Variants in FAM135B observed in about 807,000 individuals in gnomAD.
FAM135B encodes the protein family with sequence similarity 135 member B, also known as protein FAM135B.
A neutral mutation model predicts 127.7 loss-of-function variants in FAM135B; 43 were observed. That is an observed-to-expected ratio of 0.34 (90% CI 0.26 to 0.43). The LOEUF (loss-of-function observed/expected upper bound fraction) is 0.43, where lower values mean the gene tolerates loss of function less well. Ranked by LOEUF, FAM135B falls within the 20% of genes least tolerant of loss-of-function variation. The probability of loss-of-function intolerance (pLI) is 1.00; values close to 1 mark genes in which losing one functional copy is unlikely to be tolerated. For synonymous variants in FAM135B, 670 were observed against 665.1 expected, an observed-to-expected ratio of 1.01 and a Z score of -0.11; for missense variants, 1,558 against 1,725.6, an observed-to-expected ratio of 0.90 and a Z score of 1.72.
intron 2 of FAM135B, among the ~76,000 whole-genome samples, chr8:138,312,012 T>A (rs1033137814): frequency 1.3e-5 from 2 of 152,184 alleles, no homozygotes; most frequent in African/African-American, 4.8e-5. Context: ...AGTGGTATGA[T>A]CTCAGCTAAC....
chr8:138,415,885 T>C (rs1316390691), intron 1 of FAM135B, among the ~76,000 whole-genome samples: 3 of 152,202 alleles, frequency 2.0e-5, no homozygotes, highest in Non-Finnish European at 4.4e-5. Context: ...AATATCTCCA[T>C]TGGTTTCACG....
chr8:138,161,448 G>C (rs983244492), intron 12 of FAM135B, among the ~76,000 whole-genome samples: 1 of 152,070 alleles, frequency 6.6e-6, no homozygotes, highest in African/African-American at 2.4e-5. Flanking sequence ...TATCATGGCT[G>C]TCATGAAATA....
intron 1 of FAM135B, among the ~76,000 whole-genome samples, chr8:138,378,435 A>G (rs574171240): frequency 6.6e-6 from 1 of 152,244 alleles, no homozygotes; most frequent in Non-Finnish European, 1.5e-5. Context: ...GGAGTCTGGC[A>G]TATGATAAAT....
At chr8:138,476,792 G>A (rs73444340) in intron 1 of FAM135B, among the ~76,000 whole-genome samples, 17,420 of 152,156 alleles carry the variant, frequency 0.11, 2,670 homozygotes, top group African/African-American at 0.35. Context: ...AATTTTCTAA[G>A]CTGTTTTCCT....
chr8:138,328,829 G>C (rs77813008), intron 2 of FAM135B, among the ~76,000 whole-genome samples: 2 of 152,144 alleles, frequency 1.3e-5, no homozygotes, highest in Non-Finnish European at 2.9e-5. Flanking sequence ...ATAAGGTTGA[G>C]TGAGGGAGAC....
intron 1 of FAM135B, among the ~76,000 whole-genome samples, chr8:138,383,903 G>C (rs1832025768): frequency 6.6e-6 from 1 of 152,134 alleles, no homozygotes; most frequent in Non-Finnish European, 1.5e-5. Flanking sequence ...GGTGCCCATT[G>C]TCCTGGCACC....
chr8:138,384,665 T>G (rs890015065), intron 1 of FAM135B, among the ~76,000 whole-genome samples: 1 of 152,062 alleles, frequency 6.6e-6, no homozygotes, highest in Non-Finnish European at 1.5e-5. Flanking sequence ...CCTGTGTGTG[T>G]GTGTATGTGA....
At chr8:138,311,219 A>C (rs1826660203) in intron 2 of FAM135B, among the ~76,000 whole-genome samples, 1 of 152,222 alleles carries the variant, frequency 6.6e-6, no homozygotes, top group Non-Finnish European at 1.5e-5. Flanking sequence ...TTTCATTAAG[A>C]GGTGTGGGTT....
intron 9 of FAM135B, among the ~76,000 whole-genome samples, chr8:138,182,473 C>T (rs1028248991): frequency 6.6e-6 from 1 of 152,184 alleles, no homozygotes; most frequent in African/African-American, 2.4e-5. Flanking sequence ...GCTAACCAAG[C>T]ACCTTTGTTC....
chr8:138,373,541 A>C (rs958328932), intron 1 of FAM135B, among the ~76,000 whole-genome samples: 1 of 151,922 alleles, frequency 6.6e-6, no homozygotes, highest in African/African-American at 2.4e-5. Context: ...GGCTCCTTGA[A>C]AAAAGAACAG....
At chr8:138,387,719 C>T (rs1832303855) in intron 1 of FAM135B, among the ~76,000 whole-genome samples, 1 of 152,078 alleles carries the variant, frequency 6.6e-6, no homozygotes, top group Non-Finnish European at 1.5e-5. Flanking sequence ...TACTAAGGTT[C>T]ATGGGTGGCA....
chr8:138,304,479 T>C (rs563396358), intron 3 of FAM135B, among the ~76,000 whole-genome samples: 52 of 152,314 alleles, frequency 3.4e-4, no homozygotes, highest in African/African-American at 1.2e-3. Flanking sequence ...GTTGAGTAAC[T>C]ATTAATTCTG....
chr8:138,227,872 T>C (rs1430413294), intron 7 of FAM135B, among the ~76,000 whole-genome samples: 2 of 152,160 alleles, frequency 1.3e-5, no homozygotes, highest in African/African-American at 2.4e-5. Context: ...CTAGAACTTA[T>C]TCATCTTGCA....
Position 138,242,854 on chromosome 8 carries a change from G to A in FAM135B, c.669+88C>T, listed in dbSNP as rs780750794. 6 of 1,491,912 alleles carry A rather than the reference G, an allele frequency of 4.0e-6. No homozygotes were observed. In the Admixed American group the frequency reaches 9.3e-5, roughly 23 times the overall value. The allele number at this position is 1,491,912 out of a possible 1,614,324, so 92.4% of individuals were successfully genotyped here. A position where few individuals can be genotyped will look rare whatever the true frequency, so the allele number is the denominator to read the frequency against. ...ATTAGCAAAAATCTCTGAAGGGGAT[G>A]TTTCAAAGAAGCATGAATCTCATAG... On this transcript the variant is annotated intron_variant, in intron 7 of 19. Transcript: ENST00000395297. The surrounding 1 kb of genome is among the most constrained non-coding windows in gnomAD (Gnocchi z 9.6).
intron 1 of FAM135B, among the ~76,000 whole-genome samples, chr8:138,462,513 C>T (rs572000633): frequency 1.6e-4 from 25 of 152,298 alleles, no homozygotes; most frequent in African/African-American, 3.8e-4. Context: ...TTCCAACTCT[C>T]ACCCAGAGGG....
chr8:138,408,372 A>C (rs986979018), intron 1 of FAM135B, among the ~76,000 whole-genome samples: 1 of 152,178 alleles, frequency 6.6e-6, no homozygotes, highest in Non-Finnish European at 1.5e-5. Context: ...TTCACCTTGC[A>C]GTTTAATGTT....
chr8:138,382,407 G>T (rs1394808412), intron 1 of FAM135B, among the ~76,000 whole-genome samples: 1 of 152,116 alleles, frequency 6.6e-6, no homozygotes, highest in Non-Finnish European at 1.5e-5. Context: ...CACTGGGAAG[G>T]CCTCTCTTGA....
In FAM135B at chr8:138,131,626, G is replaced by A. The variant is rs574597023; in HGVS notation, c.*967C>T. On this transcript the variant is annotated 3_prime_UTR_variant, in exon 20 of 20. Transcript: ENST00000395297. ...TTTTAATCCAGCACTCCTCCATTTAGATGTTTTCCTCCTTCCATGGAGAGG... is the reference window on the plus strand; with the variant it reads ...TTTTAATCCAGCACTCCTCCATTTAAATGTTTTCCTCCTTCCATGGAGAGG... The A allele has an allele frequency of 6.5e-6, 1 of 152,700 alleles. No individual in the cohort carries two copies. Among genetic ancestry groups the A allele is most frequent in the South Asian group, 2.1e-4 (1 of 4,828 alleles). The allele number at this position is 152,700 out of a possible 1,614,324, so 9.5% of individuals were successfully genotyped here.
intron 2 of FAM135B, among the ~76,000 whole-genome samples, chr8:138,343,588 C>T (rs113626669): frequency 2.6e-5 from 4 of 152,324 alleles, no homozygotes; most frequent in African/African-American, 9.6e-5. Context: ...TTATCATACC[C>T]TGCTTTCACC....
Sources: allele counts gnomAD v4.1 joint callset (sites outside exome capture counted in the v4.1 genomes callset), GRCh38; gene constraint gnomAD v4.1.1; non-coding constraint Gnocchi (gnomAD v3.1); transcripts MANE v1.5; gene names NCBI Gene and HGNC (gene_info 2026-07-23, HGNC 2026-07-21).